The following GLI2 variants were observed in gnomAD, a reference collection of about 807,000 sequenced individuals.
The protein encoded by GLI2 is transcription activator GLI2.
Under a neutral mutation model 78.9 loss-of-function variants are expected in GLI2, and 22 were observed. That is an observed-to-expected ratio of 0.28 (90% CI 0.20 to 0.40). The LOEUF is 0.40. Among genes scored for constraint, GLI2 ranks in the 10% least tolerant of loss-of-function variants. GLI2 has a pLI of 1.00. For synonymous variants in GLI2, 974 were observed against 963.7 expected, an observed-to-expected ratio of 1.01 and a Z score of -0.20; for missense variants, 2,097 against 2,213.2, an observed-to-expected ratio of 0.95 and a Z score of 1.05.
intron 2 of GLI2, among the ~76,000 whole-genome samples, chr2:120,917,609 C>A (rs1348335232): frequency 6.6e-6 from 1 of 152,274 alleles, no homozygotes. Flanking sequence ...GAGACCCCAT[C>A]CTCTGCACTG....
chr2:120,742,122 A>G (rs947582866), intron 1 of GLI2, among the ~76,000 whole-genome samples: 3 of 152,310 alleles, frequency 2.0e-5, no homozygotes, highest in South Asian at 2.1e-4. Flanking sequence ...CCCGTGACCA[A>G]ACTTTTGGTG....
chr2:120,767,581 A>C (rs1683401200), intron 1 of GLI2, among the ~76,000 whole-genome samples: 1 of 152,110 alleles, frequency 6.6e-6, no homozygotes, highest in Admixed American at 6.5e-5. Context: ...TTTTTAATAC[A>C]CTCACCAAAT....
chr2:120,944,488 C>A (rs1343918637), intron 3 of GLI2, among the ~76,000 whole-genome samples: 1 of 152,236 alleles, frequency 6.6e-6, no homozygotes, highest in East Asian at 1.9e-4. Flanking sequence ...CTTCAGAGTC[C>A]AGATTCTGCT....
chr2:120,844,579 G>A (rs963440660), intron 2 of GLI2, among the ~76,000 whole-genome samples: 10 of 152,164 alleles, frequency 6.6e-5, no homozygotes, highest in African/African-American at 2.2e-4. Flanking sequence ...AAATGGGAAG[G>A]TTGGACTATG....
intron 2 of GLI2, among the ~76,000 whole-genome samples, chr2:120,799,178 C>T (rs974491427): frequency 2.0e-5 from 3 of 152,180 alleles, no homozygotes; most frequent in Non-Finnish European, 4.4e-5. Flanking sequence ...CAATCTGTGG[C>T]GGGAGTAGGG....
intron 1 of GLI2, among the ~76,000 whole-genome samples, chr2:120,754,447 C>T (rs1018058319): frequency 6.6e-6 from 1 of 152,090 alleles, no homozygotes; most frequent in Non-Finnish European, 1.5e-5. Flanking sequence ...CCCACCCCAC[C>T]CCCTGGCCTT....
rs1202322574 is a variant in GLI2 at position 120,928,043 on chromosome 2, T to C, written c.254+577T>C. On this transcript the variant is annotated intron_variant, in intron 3 of 13. Transcript: ENST00000361492. ...TACCCACCTGGGGCCTCTAAGCCCA[T>C]TGGCTGGTGTCATTTCTTGGCCTTT... Among the ~76,000 whole-genome samples, 3 of 152,262 alleles carry C rather than the reference T, an allele frequency of 2.0e-5. No homozygotes were observed. The East Asian group carries it at 5.8e-4, about 30-fold the overall frequency.
intron 2 of GLI2, among the ~76,000 whole-genome samples, chr2:120,825,711 A>T (rs111397468): frequency 1.4e-3 from 209 of 152,358 alleles, no homozygotes; most frequent in African/African-American, 4.8e-3. Flanking sequence ...TGCTCCTTCC[A>T]GGAAAGCTGC....
rs368662622 is a variant in GLI2, at chr2:120,961,796, G to A, written c.643+6366G>A. On this transcript the variant is annotated intron_variant, in intron 5 of 13. Transcript: ENST00000361492. ...TAGCCAGTGAGGATTCAGGGTACCC[G>A]AGCCCCACCACCAGGCTGCATCCTG... Among the ~76,000 whole-genome samples, 84 of 152,274 alleles carry A rather than the reference G, an allele frequency of 5.5e-4. No homozygotes were observed. In the South Asian group the frequency reaches 0.014, roughly 26 times the overall value.
At chr2:120,973,532 C>G (rs890069343) in intron 8 of GLI2, among the ~76,000 whole-genome samples, 1 of 152,222 alleles carries the variant, frequency 6.6e-6, no homozygotes, top group African/African-American at 2.4e-5. Context: ...CAAGGACTCC[C>G]TGACTCATTT....
chr2:120,842,957 T>C (rs940132051), intron 2 of GLI2, among the ~76,000 whole-genome samples: 3 of 152,184 alleles, frequency 2.0e-5, no homozygotes, highest in East Asian at 1.9e-4. Context: ...GGAAGTCTGG[T>C]TGGGGAATCA....
chr2:120,828,280 C>G (rs913838047), intron 2 of GLI2, among the ~76,000 whole-genome samples: 1 of 152,232 alleles, frequency 6.6e-6, no homozygotes, highest in Admixed American at 6.5e-5. Context: ...TAGTTCTCCC[C>G]GCTCTCTCAC....
At chr2:120,942,241 G>A (rs78403652) in intron 3 of GLI2, among the ~76,000 whole-genome samples, 3,818 of 152,194 alleles carry the variant, frequency 0.025, 173 homozygotes, top group African/African-American at 0.088. Flanking sequence ...ATGTTCTCTC[G>A]GTTTCAGAGG....
intron 2 of GLI2, among the ~76,000 whole-genome samples, chr2:120,907,745 G>C (rs1432308015): frequency 3.9e-5 from 6 of 152,130 alleles, no homozygotes; most frequent in African/African-American, 1.4e-4. Context: ...TGTAAATGGG[G>C]GTGGTGATCA....
intron 3 of GLI2, 147 bp downstream of exon 3, chr2:120,927,613 C>T (rs562175597): frequency 1.3e-4 from 97 of 726,002 alleles, no homozygotes; most frequent in Non-Finnish European, 2.3e-4. Context: ...ATCACCTTTG[C>T]TATCATGGCC....
chr2:120,755,867 T>TA (rs1012542204), intron 1 of GLI2, among the ~76,000 whole-genome samples: 2 of 152,194 alleles, frequency 1.3e-5, no homozygotes, highest in Non-Finnish European at 2.9e-5. Context: ...TGCACCTTTG[T>TA]AAAAAAATCT....
Position 120,988,668 on chromosome 2 carries a change from G to A in GLI2, c.2703G>A (p.Ala901=), listed in dbSNP as rs1326147607. ...LERMSLRTRL[A]LLDAPERTLP... is the part of the protein sequence containing the mutation. ...GCATGAGCCTGCGGACCAGGCTGGC[G>A]CTGCTGGACGCGCCCGAGCGCACGC... is the stretch of plus-strand genomic sequence containing the variant. Residue 901 remains alanine, a synonymous_variant, in exon 14 of 14, where the codon GCG becomes GCA. Transcript: ENST00000361492. 1.5e-6 allele frequency: 2 copies of A among 1,372,694 alleles called. No individual in the cohort carries two copies. Among genetic ancestry groups the A allele is most frequent in the Non-Finnish European group, 1.9e-6 (2 of 1,062,992 alleles). The allele number at this position is 1,372,694 out of a possible 1,614,324, so 85.0% of individuals were successfully genotyped here.
chr2:120,915,392 G>A (rs1406171129), intron 2 of GLI2, among the ~76,000 whole-genome samples: 1 of 152,106 alleles, frequency 6.6e-6, no homozygotes, highest in Non-Finnish European at 1.5e-5. Flanking sequence ...TTTCCCCCAA[G>A]TGAGACAGAA....
rs969453946 is a variant in GLI2, at chr2:120,800,748, C to T, written c.148+3280C>T. Among the ~76,000 whole-genome samples, 59 of 152,144 alleles carry T rather than the reference C, an allele frequency of 3.9e-4. No individual in the cohort carries two copies. The highest frequency in any genetic ancestry group is 9.6e-4 in the African/African-American group (40 of 41,512). ...GTCTCAATCTCCTGACCTCATGATCCGCCCGCCTCAGCCTCCCAAAGTGCC... is the reference window on the plus strand; with the variant it reads ...GTCTCAATCTCCTGACCTCATGATCTGCCCGCCTCAGCCTCCCAAAGTGCC... On this transcript the variant is annotated intron_variant, in intron 2 of 13. Transcript: ENST00000361492. This position sits in a 1 kb window ranked among gnomAD's most constrained non-coding sequence, Gnocchi z 4.1.
Sources: gnomAD v4.1 joint callset for allele counts (sites outside exome capture counted in the v4.1 genomes callset) on GRCh38, gnomAD v4.1.1 for gene constraint, Gnocchi (gnomAD v3.1) non-coding constraint, MANE v1.5 for transcripts, NCBI Gene and HGNC (gene_info 2026-07-23, HGNC 2026-07-21) for gene names.